Variants in POLD1 observed in about 807,000 individuals in gnomAD.
POLD1 encodes DNA polymerase delta catalytic subunit.
A neutral mutation model predicts 129.7 loss-of-function variants in POLD1; 79 were observed. That is an observed-to-expected ratio of 0.61 (90% CI 0.51 to 0.73). The LOEUF is 0.73. POLD1 is among the 30% of genes least tolerant of loss of function. POLD1 has a pLI of 0.00. For synonymous variants in POLD1, 714 were observed against 683.3 expected (o/e 1.04, Z -0.70); for missense variants, 1,338 against 1,595.8 (o/e 0.84, Z 2.75).
At chr19:50,410,007 A>G (rs2039036116) in intron 17 of POLD1, among the ~76,000 whole-genome samples, 1 of 152,186 alleles carries the variant, frequency 6.6e-6, no homozygotes, top group South Asian at 2.1e-4. Context: ...CGAGCTTTGC[A>G]GCCGGATAAA....
chr19:50,417,690 C>CCCCCCCCCCGG, intron 26 of POLD1, 152 bp from the exon 27 acceptor site: 1 of 422,738 alleles, frequency 2.4e-6, no homozygotes, highest in Non-Finnish European at 4.3e-6. Context: ...CCACCCCCCC[C>CCCCCCCCCCGG]GTGCCTGCTG....
chr19:50,384,801 T>A (rs1291432242), intron 1 of POLD1, among the ~76,000 whole-genome samples: 2 of 152,104 alleles, frequency 1.3e-5, no homozygotes, highest in African/African-American at 2.4e-5. Context: ...GTGATGAGTT[T>A]TAATAGATCA....
In POLD1 at chr19:50,406,143, G is replaced by T. The variant is rs1003751940; in HGVS notation, c.1243-39G>T. ...CCGTTCTTCAGGCTTATGTGACGGG[G>T]ACCCGCAGCCTGCTGCACACCCTGC... On this transcript the variant is annotated intron_variant, in intron 10 of 26. Transcript: ENST00000440232. This position sits in a 1 kb window ranked among gnomAD's most constrained non-coding sequence, Gnocchi z 5.5. 5.0e-6 allele frequency: 8 copies of T among 1,597,610 alleles called. No individual in the cohort carries two copies. In the African/African-American group the frequency reaches 8.0e-5, roughly 16 times the overall value.
intron 20 of POLD1, among the ~76,000 whole-genome samples, chr19:50,415,228 C>T (rs1046471731): frequency 2.0e-5 from 3 of 152,162 alleles, no homozygotes; most frequent in East Asian, 1.9e-4. Context: ...AGCTCTTCCT[C>T]GGTGGTGAAG....
chr19:50,395,489 C>A (rs187039595), intron 1 of POLD1, among the ~76,000 whole-genome samples: 1 of 151,498 alleles, frequency 6.6e-6, no homozygotes. Context: ...GAGGCTGAGG[C>A]GGGAGAATGG....
chr19:50,415,309 G>C (rs1347372276), intron 20 of POLD1, 129 bp from the exon 21 acceptor site: 5 of 924,800 alleles, frequency 5.4e-6, no homozygotes, highest in Non-Finnish European at 8.2e-6. Context: ...CCTATGGTAG[G>C]AAGGGCCCCT....
Position 50,407,314 on chromosome 19 carries a change from TCTCCC to T in POLD1, c.1687-7_1687-3del, listed in dbSNP as rs2038931997. The T allele has an allele frequency of 6.2e-7, 1 of 1,604,746 alleles. No homozygotes were observed. Among genetic ancestry groups the T allele is most frequent in the Non-Finnish European group, 8.5e-7 (1 of 1,174,520 alleles). On this transcript the variant is annotated splice_polypyrimidine_tract_variant and splice_region_variant and intron_variant, in intron 13 of 26. Transcript: ENST00000440232. ...CCTATACCCACTCCATTTCCCACCT[TCTCCC>T]CTCCCAGGCCATGCACGAGGGGCTG...
chr19:50,408,246 A>G (rs938587684), intron 14 of POLD1, among the ~76,000 whole-genome samples: 61 of 151,450 alleles, frequency 4.0e-4, no homozygotes, highest in Non-Finnish European at 8.0e-4. Context: ...GAGGCAGAAG[A>G]ATCGCTTGAA....
chr19:50,402,086 G>T lies in POLD1; in HGVS notation c.551G>T (p.Gly184Val), dbSNP rs2122239798. The change falls in exon 5 of 27, where the codon GGG becomes GTG. Residue 184 changes from glycine (G) to valine (V), a missense_variant. Gly to Val is a moderately radical substitution (Grantham distance 109). Around this residue, in one of 3 missense-constraint regions of POLD1, gnomAD observed 332 missense variants for 315.7 expected, o/e 1.05. Transcript: ENST00000440232. ...RDSRGGRELT[G>V]PAVLAVELCS... is the part of the protein sequence containing the mutation. Reference sequence around the variant, plus strand: ...AGTCGCGGGGGGAGGGAGCTGACTGGGCCGGCCGTGCTGGCTGTGGAACTG... The same window carrying T: ...AGTCGCGGGGGGAGGGAGCTGACTGTGCCGGCCGTGCTGGCTGTGGAACTG... 2 of 1,613,908 alleles carry T rather than the reference G, an allele frequency of 1.2e-6. No homozygotes were observed. Among genetic ancestry groups the T allele is most frequent in the Non-Finnish European group, 1.7e-6 (2 of 1,179,906 alleles).
Position 50,416,714 on chromosome 19 carries a change from A to G in POLD1, c.3058A>G (p.Ser1020Gly). The change falls in exon 24 of 27, where the codon AGC (serine) becomes GGC (glycine). Residue 1020 changes from serine (S) to glycine (G), a missense_variant. By Grantham distance (56) the Ser-to-Gly change is moderately conservative. Transcript: ENST00000440232. ...NCCIGCRTVL[S>G]HQGAVCEFCQ... ...CTGCATTGGCTGCCGCACAGTGCTC[A>G]GCCACCAGGGTGAGCGGCCCTGGCC... 6.5e-7 allele frequency: 1 copy of G among 1,538,298 alleles called. No individual in the cohort carries two copies. Among genetic ancestry groups the G allele is most frequent in the Non-Finnish European group, 8.7e-7 (1 of 1,146,718 alleles).
intron 10 of POLD1, 29 bp downstream of exon 10, chr19:50,403,626 C>G (rs1568623217): frequency 1.4e-6 from 2 of 1,435,972 alleles, no homozygotes; most frequent in Non-Finnish European, 2.0e-6. Flanking sequence ...GGAGGCTTCT[C>G]TCAGATGCCC....
Position 50,408,767 on chromosome 19 carries a change from C to T in POLD1, c.1776-18C>T, listed in dbSNP as rs775669198. ...AACTCCTAGCCCTGACTCCCGGCCG[C>T]GGCTGCTCCCCTCCCAGGTACTACG... On this transcript the variant is annotated intron_variant, in intron 14 of 26. Coordinates refer to ENST00000440232, the MANE Select transcript of POLD1 (RefSeq NM_002691.4). The T allele has an allele frequency of 1.7e-5, 28 of 1,613,028 alleles. No individual in the cohort carries two copies. The highest frequency in any genetic ancestry group is 8.8e-5 in the South Asian group (8 of 91,044).
At chr19:50,397,372 T>G (rs542388455) in intron 1 of POLD1, among the ~76,000 whole-genome samples, 1 of 150,266 alleles carries the variant, frequency 6.7e-6, no homozygotes, top group Non-Finnish European at 1.5e-5. Context: ...GCCACTGTAC[T>G]CCAGCCTGGG....
chr19:50,388,799 A>G (rs1484301143), intron 1 of POLD1, among the ~76,000 whole-genome samples: 2 of 131,366 alleles, frequency 1.5e-5, no homozygotes, highest in Non-Finnish European at 3.2e-5. Flanking sequence ...ATGATACTTC[A>G]CCTCTGAAAA....
At chr19:50,395,342 T>G (rs1303705549) in intron 1 of POLD1, among the ~76,000 whole-genome samples, 1 of 148,954 alleles carries the variant, frequency 6.7e-6, no homozygotes, top group Non-Finnish European at 1.5e-5. Flanking sequence ...ACACCTATAA[T>G]CCCAGCACTT....
At chr19:50,385,886 C>T (rs2037954065) in intron 1 of POLD1, among the ~76,000 whole-genome samples, 1 of 151,890 alleles carries the variant, frequency 6.6e-6, no homozygotes, top group Admixed American at 6.6e-5. Context: ...TAGAGAGGTT[C>T]CTTCCCTCCC....
Position 50,406,961 on chromosome 19 carries a change from C to A in POLD1, c.1495-22C>A. 1.3e-6 allele frequency: 2 copies of A among 1,531,666 alleles called. No homozygotes were observed. The highest frequency in any genetic ancestry group is 1.8e-6 in the Non-Finnish European group (2 of 1,125,680). The allele number at this position is 1,531,666 out of a possible 1,614,324, so 94.9% of individuals were successfully genotyped here. ...CCCACCCCCAACCCCTGGTCCCTGA[C>A]CCCATCCGTGCCCATCCCCAGAATG... On this transcript the variant is annotated intron_variant, in intron 12 of 26. Transcript: ENST00000440232. This position sits in a 1 kb window ranked among gnomAD's most constrained non-coding sequence, Gnocchi z 5.5.
chr19:50,409,159 G>A lies in POLD1; in HGVS notation c.1930G>A (p.Asp644Asn), dbSNP rs763465385. 2.2e-5 allele frequency: 35 copies of A among 1,613,676 alleles called. No homozygotes were observed. Among genetic ancestry groups the A allele is most frequent in the Middle Eastern group, 3.3e-4 (2 of 6,084 alleles). The change falls in exon 16 of 27, where the codon GAC becomes AAC. Residue 644 changes from aspartate (D) to asparagine (N), a missense_variant. Physicochemically the swap from Asp to Asn is conservative, Grantham distance 23 (BLOSUM62 1). Around this residue, in one of 3 missense-constraint regions of POLD1, gnomAD observed 720 missense variants for 1,002.6 expected, o/e 0.72. Transcript: ENST00000440232. This position sits in a 1 kb window ranked among gnomAD's most constrained non-coding sequence, Gnocchi z 5.8. ...EDQFIRTPTGDEFVKTSVRKG... is the reference protein window; with the variant it reads ...EDQFIRTPTGNEFVKTSVRKG... ...TCAGTTCATCAGGACCCCCACCGGG[G>A]ACGAGTTTGTGAAGACCTCAGTGCG...
At position 50,417,686 on chromosome 19, in the gene POLD1, CCCCCG is replaced by C. The variant is rs1568643016; in HGVS notation, c.3219-155_3219-151del. Among the ~76,000 whole-genome samples the C allele has an allele frequency of 2.0e-3, 285 of 139,058 alleles. 2 individuals are homozygous for C. Among genetic ancestry groups the C allele is most frequent in the African/African-American group, 7.2e-3 (248 of 34,284 alleles). 91.2% of individuals were successfully genotyped at this position (139,058 alleles called of 152,430 possible). On this transcript the variant is annotated intron_variant, in intron 26 of 26. Coordinates refer to ENST00000440232, the MANE Select transcript of POLD1 (RefSeq NM_002691.4). ...TGTTATCGGCTCCCCCCCCCCACCC[CCCCCG>C]TGCCTGCTGAGCAAACAGCCCGCTG... is the stretch of plus-strand genomic sequence containing the variant.
Sources: allele counts gnomAD v4.1 joint callset (sites outside exome capture counted in the v4.1 genomes callset), GRCh38; gene constraint gnomAD v4.1.1; regional missense constraint gnomAD v4.1.1; non-coding constraint Gnocchi (gnomAD v3.1); transcripts MANE v1.5; gene names NCBI Gene and HGNC (gene_info 2026-07-23, HGNC 2026-07-21).